TRAPPC9: variants seen among roughly 807,000 people sequenced by gnomAD.
The protein encoded by TRAPPC9 is trafficking protein particle complex subunit 9, also known as IKK2 binding protein.
Under a neutral mutation model 124.0 loss-of-function variants are expected in TRAPPC9, and 83 were observed. The observed-to-expected ratio is 0.67, with a 90% CI of 0.56 to 0.80. TRAPPC9 has a LOEUF of 0.80. Ranked by LOEUF, TRAPPC9 falls within the 30% of genes least tolerant of loss-of-function variation. The probability of loss-of-function intolerance (pLI) is 0.00; values close to 1 mark genes in which losing one functional copy is unlikely to be tolerated. For synonymous variants in TRAPPC9, 638 were observed against 617.5 expected, an observed-to-expected ratio of 1.03 and a Z score of -0.49; for missense variants, 1,302 against 1,508.3, an observed-to-expected ratio of 0.86 and a Z score of 2.27.
intron 18 of TRAPPC9, among the ~76,000 whole-genome samples, chr8:139,993,207 C>A (rs906328313): frequency 1.3e-5 from 2 of 152,082 alleles, no homozygotes; most frequent in Admixed American, 6.5e-5. Flanking sequence ...TTATAGAGAA[C>A]TCCTATAAAT....
rs1837141211 is a variant in TRAPPC9, at chr8:139,984,797, T to C, written c.2810+3929A>G. Among the ~76,000 whole-genome samples the C allele has an allele frequency of 6.6e-6, 1 of 152,118 alleles. No individual in the cohort carries two copies. The highest frequency in any genetic ancestry group is 1.5e-5 in the Non-Finnish European group (1 of 68,010). Reference sequence around the variant, plus strand: ...GGGCAGAGTTGCATGGATTCATGGGTATCCCCAGCAGTGGGCACAGCAGGG... The same window carrying C: ...GGGCAGAGTTGCATGGATTCATGGGCATCCCCAGCAGTGGGCACAGCAGGG... On this transcript the variant is annotated intron_variant, in intron 19 of 22. Coordinates refer to ENST00000438773, the MANE Select transcript of TRAPPC9 (RefSeq NM_001160372.4). This position sits in a 1 kb window ranked among gnomAD's most constrained non-coding sequence, Gnocchi z 4.3.
At chr8:140,129,131 T>C (rs1334502730) in intron 17 of TRAPPC9, among the ~76,000 whole-genome samples, 1 of 152,012 alleles carries the variant, frequency 6.6e-6, no homozygotes, top group African/African-American at 2.4e-5. Context: ...CTCTAAAGCA[T>C]ATGCTAATTC....
chr8:140,144,461 TCTTTTC>T (rs1219617754), intron 17 of TRAPPC9, among the ~76,000 whole-genome samples: 2 of 124,246 alleles, frequency 1.6e-5, no homozygotes, highest in African/African-American at 6.5e-5. Context: ...AGACTATTTT[TCTTTTC>T]ATTCATTCAT....
At chr8:139,741,459 G>A (rs1818554456) in intron 21 of TRAPPC9, among the ~76,000 whole-genome samples, 2 of 152,118 alleles carry the variant, frequency 1.3e-5, no homozygotes, top group Admixed American at 1.3e-4. Flanking sequence ...GGATTCCTGG[G>A]CTCTGGACTT....
intron 18 of TRAPPC9, among the ~76,000 whole-genome samples, chr8:139,995,626 G>C (rs1238234371): frequency 6.6e-6 from 1 of 152,062 alleles, no homozygotes; most frequent in African/African-American, 2.4e-5. Context: ...CCAGTAATTT[G>C]GGAAGATTTC....
At chr8:140,274,103 T>A (rs2065044312) in intron 15 of TRAPPC9, among the ~76,000 whole-genome samples, 1 of 152,028 alleles carries the variant, frequency 6.6e-6, no homozygotes, top group Non-Finnish European at 1.5e-5. Flanking sequence ...GACGAACACA[T>A]CAGACTTGCA....
chr8:140,043,804 C>T (rs1274863860), intron 17 of TRAPPC9, among the ~76,000 whole-genome samples: 15 of 152,198 alleles, frequency 9.9e-5, no homozygotes. Flanking sequence ...TGGGGCGATA[C>T]AGGCAAGTTC....
intron 1 of TRAPPC9, among the ~76,000 whole-genome samples, chr8:140,454,201 A>G (rs149926364): frequency 6.6e-6 from 1 of 152,160 alleles, no homozygotes; most frequent in Non-Finnish European, 1.5e-5. Context: ...AGGCAGGAGA[A>G]TTGCTTGAAC....
intron 17 of TRAPPC9, among the ~76,000 whole-genome samples, chr8:140,045,291 G>A (rs1172883037): frequency 1.3e-5 from 2 of 152,188 alleles, no homozygotes; most frequent in African/African-American, 4.8e-5. Flanking sequence ...GCCTGCTGCG[G>A]GCTGTGAGCA....
intron 21 of TRAPPC9, among the ~76,000 whole-genome samples, chr8:139,815,270 CCT>C (rs1376957769): frequency 1.3e-5 from 2 of 152,196 alleles, no homozygotes; most frequent in Non-Finnish European, 2.9e-5. Flanking sequence ...TGCGTGTCAT[CCT>C]CTCTTACTGG....
chr8:140,019,542 CTTTTTTTTT>C (rs71320340), intron 18 of TRAPPC9, among the ~76,000 whole-genome samples: 19 of 43,840 alleles, frequency 4.3e-4, no homozygotes, highest in African/African-American at 1.5e-3. Context: ...TAATTTGTGT[CTTTTTTTTT>C]TTTTTTTTTT....
chr8:140,315,233 C>CT (rs61220260), intron 9 of TRAPPC9, among the ~76,000 whole-genome samples: 33,198 of 107,114 alleles, frequency 0.31, 5,576 homozygotes, highest in East Asian at 0.62. Context: ...ATTTGTATGT[C>CT]TTTTTTTTTT....
chr8:139,917,589 G>A (rs1055858100), intron 19 of TRAPPC9, among the ~76,000 whole-genome samples: 4 of 152,152 alleles, frequency 2.6e-5, no homozygotes, highest in South Asian at 4.1e-4. Context: ...AAGCAATGGC[G>A]CCCCCGTCCC....
intron 17 of TRAPPC9, among the ~76,000 whole-genome samples, chr8:140,149,097 A>G (rs2061502727): frequency 6.6e-6 from 1 of 152,140 alleles, no homozygotes; most frequent in Non-Finnish European, 1.5e-5. Flanking sequence ...GCGCTAATAC[A>G]TAAGAAAAAG....
chr8:140,321,011 T>C (rs555058576), intron 9 of TRAPPC9, among the ~76,000 whole-genome samples: 47 of 152,264 alleles, frequency 3.1e-4, no homozygotes, highest in African/African-American at 1.1e-3. Flanking sequence ...AAGAGCCAGA[T>C]AAAGTGTCAA....
At chr8:139,971,650 C>T (rs1003706786) in intron 19 of TRAPPC9, among the ~76,000 whole-genome samples, 1 of 151,978 alleles carries the variant, frequency 6.6e-6, no homozygotes, top group Admixed American at 6.6e-5. Context: ...ACCAGGCGTG[C>T]CTGGCAAGAT....
chr8:140,001,795 C>T (rs1005935305), intron 18 of TRAPPC9, among the ~76,000 whole-genome samples: 2 of 152,180 alleles, frequency 1.3e-5, no homozygotes, highest in African/African-American at 4.8e-5. Context: ...GAAAATGGTA[C>T]TACCACTCTG....
chr8:139,890,213 A>G (rs1830249822), intron 20 of TRAPPC9, among the ~76,000 whole-genome samples: 1 of 152,224 alleles, frequency 6.6e-6, no homozygotes, highest in Admixed American at 6.5e-5. Flanking sequence ...GACCTCAGGC[A>G]TGACCTGTGT....
At chr8:139,778,062 TGAAA>T (rs1821519633) in intron 21 of TRAPPC9, among the ~76,000 whole-genome samples, 4 of 151,788 alleles carry the variant, frequency 2.6e-5, no homozygotes, top group African/African-American at 9.7e-5. Flanking sequence ...AGCAAGACAC[TGAAA>T]GTACCCAAGG....
Sources: gnomAD v4.1 joint callset for allele counts (sites outside exome capture counted in the v4.1 genomes callset) on GRCh38, gnomAD v4.1.1 for gene constraint, Gnocchi (gnomAD v3.1) non-coding constraint, MANE v1.5 for transcripts, NCBI Gene and HGNC (gene_info 2026-07-23, HGNC 2026-07-21) for gene names.